The following PBX3 variants were observed in gnomAD, a reference collection of about 807,000 sequenced individuals.
PBX3 encodes pre-B-cell leukemia transcription factor 3.
Under a neutral mutation model 48.5 loss-of-function variants are expected in PBX3, and 14 were observed. That is an observed-to-expected ratio of 0.29 (90% CI 0.19 to 0.45). The LOEUF is 0.45. Among genes scored for constraint, PBX3 ranks in the 20% least tolerant of loss-of-function variants. The pLI is 1.00. For missense variants in PBX3, 386 were observed against 546.7 expected, an observed-to-expected ratio of 0.71 and a Z score of 2.93; for synonymous variants, 210 against 200.3, an observed-to-expected ratio of 1.05 and a Z score of -0.41.
At chr9:125,903,875 G>A (rs931277282) in intron 2 of PBX3, among the ~76,000 whole-genome samples, 1 of 151,858 alleles carries the variant, frequency 6.6e-6, no homozygotes, top group Non-Finnish European at 1.5e-5. Context: ...CCTGCATCCA[G>A]TTCTAGCTTT....
intron 2 of PBX3, among the ~76,000 whole-genome samples, chr9:125,760,640 G>A (rs1309079885): frequency 6.6e-6 from 1 of 151,970 alleles, no homozygotes; most frequent in African/African-American, 2.4e-5. Flanking sequence ...CAATAATTTG[G>A]TAAACATAAA....
At chr9:125,778,851 A>G (rs35055884) in intron 2 of PBX3, among the ~76,000 whole-genome samples, 36,797 of 132,642 alleles carry the variant, frequency 0.28, 6,122 homozygotes, top group Middle Eastern at 0.41. Flanking sequence ...AGATTTACCA[A>G]CTTTGCTCAC....
At chr9:125,857,508 A>C (rs1038577302) in intron 2 of PBX3, among the ~76,000 whole-genome samples, 2 of 152,090 alleles carry the variant, frequency 1.3e-5, no homozygotes, top group South Asian at 2.1e-4. Flanking sequence ...TTTACATATA[A>C]TCCCTCTCTC....
chr9:125,911,762 G>GA (rs533677212), intron 2 of PBX3, among the ~76,000 whole-genome samples: 166 of 151,202 alleles, frequency 1.1e-3, no homozygotes, highest in Admixed American at 1.8e-3. Context: ...CTCATTAGGA[G>GA]AAAAAAAAAT....
chr9:125,773,615 A>G (rs973507964), intron 2 of PBX3, among the ~76,000 whole-genome samples: 1 of 152,198 alleles, frequency 6.6e-6, no homozygotes, highest in East Asian at 1.9e-4. Context: ...TGAATGTAGT[A>G]TGTGAGGAAG....
At position 125,952,694 on chromosome 9, in the gene PBX3, C is replaced by G. The variant is rs147805761; in HGVS notation, c.844-7990C>G. ...AATGGGATTGGTCACTCGTATAGCT[C>G]TGGGTCCCAGCACAAGGCCTGGCAC... On this transcript the variant is annotated intron_variant, in intron 5 of 8. Coordinates refer to ENST00000373489, the MANE Select transcript of PBX3 (RefSeq NM_006195.6). 3.5e-3 allele frequency among the ~76,000 whole-genome samples: 536 copies of G among 152,332 alleles called. 3 individuals are homozygous for G. Among genetic ancestry groups the G allele is most frequent in the African/African-American group, 0.012 (503 of 41,570 alleles).
In PBX3 at chr9:125,791,301, GTCTATCTATCTA is replaced by G. The variant is rs61202902; in HGVS notation, c.274+42714_274+42725del. ...TTTTTATCTGTCTGTCTGTCTGTCT[GTCTATCTATCTA>G]TCTATCTATCTATCTATCTATCTAT... On this transcript the variant is annotated intron_variant, in intron 2 of 8. Transcript: ENST00000373489. Among the ~76,000 whole-genome samples, 50 of 109,016 alleles carry G rather than the reference GTCTATCTATCTA, an allele frequency of 4.6e-4. 1 individual carries two copies. Among genetic ancestry groups the G allele is most frequent in the African/African-American group, 1.1e-3 (36 of 33,566 alleles). 71.5% of individuals were successfully genotyped at this position (109,016 alleles called of 152,430 possible).
chr9:125,813,361 G>A (rs1838353433), intron 2 of PBX3, among the ~76,000 whole-genome samples: 1 of 152,086 alleles, frequency 6.6e-6, no homozygotes, highest in Admixed American at 6.6e-5. Context: ...ATCAGTAGGT[G>A]ATAGGAATTT....
rs554263997 is a variant in PBX3 at position 125,750,720 on chromosome 9, T to C, written c.274+2097T>C. On this transcript the variant is annotated intron_variant, in intron 2 of 8. Coordinates refer to ENST00000373489, the MANE Select transcript of PBX3 (RefSeq NM_006195.6). The stretch of plus-strand genomic sequence containing the variant: ...AGTGGATCCACATTTGCACGTTATC[T>C]CTTTTGTAAAAAGCCAACAGCCGAC... 4.6e-5 allele frequency among the ~76,000 whole-genome samples: 7 copies of C among 152,332 alleles called. No individual in the cohort carries two copies. In the South Asian group the frequency reaches 8.3e-4, roughly 18 times the overall value.
intron 2 of PBX3, among the ~76,000 whole-genome samples, chr9:125,902,220 A>ATTT (rs1321305430): frequency 2.8e-4 from 42 of 151,648 alleles, no homozygotes; most frequent in Non-Finnish European, 8.9e-5. Flanking sequence ...CTGCACCTGG[A>ATTT]TTGCATGCAT....
intron 2 of PBX3, among the ~76,000 whole-genome samples, chr9:125,763,052 A>T (rs1836710409): frequency 6.6e-6 from 1 of 152,208 alleles, no homozygotes; most frequent in Admixed American, 6.5e-5. Context: ...TTATATTGGA[A>T]GTATCTGGTT....
intron 2 of PBX3, among the ~76,000 whole-genome samples, chr9:125,863,353 G>GCCA (rs1248289375): frequency 3.3e-5 from 5 of 152,026 alleles, no homozygotes; most frequent in Non-Finnish European, 5.9e-5. Flanking sequence ...ACAGGTGCTT[G>GCCA]CCACCACACT....
Position 125,861,074 on chromosome 9 carries a change from C to T in PBX3, c.275-54612C>T, listed in dbSNP as rs189642297. Among the ~76,000 whole-genome samples the T allele has an allele frequency of 2.9e-3, 438 of 151,746 alleles. 3 individuals carry two copies. Among genetic ancestry groups the T allele is most frequent in the Non-Finnish European group, 3.9e-3 (266 of 67,908 alleles). On this transcript the variant is annotated intron_variant, in intron 2 of 8. Coordinates refer to ENST00000373489, the MANE Select transcript of PBX3 (RefSeq NM_006195.6). The stretch of plus-strand genomic sequence containing the variant: ...GCAGAGGCAGGAGGATCACTTGAAC[C>T]CAGAAGTCTGAGCCCAGCCTGGGCA...
intron 2 of PBX3, among the ~76,000 whole-genome samples, chr9:125,868,387 T>C (rs1240556759): frequency 6.6e-6 from 1 of 152,236 alleles, no homozygotes; most frequent in East Asian, 1.9e-4. Context: ...GTAGATTGAA[T>C]GTGCAGAAAA....
chr9:125,861,900 G>A (rs1333288539), intron 2 of PBX3, among the ~76,000 whole-genome samples: 1 of 152,128 alleles, frequency 6.6e-6, no homozygotes, highest in Non-Finnish European at 1.5e-5. Context: ...TGTGATTGTT[G>A]CACAACTCTG....
intron 2 of PBX3, among the ~76,000 whole-genome samples, chr9:125,903,141 T>C (rs1192641178): frequency 6.6e-6 from 1 of 151,792 alleles, no homozygotes; most frequent in Non-Finnish European, 1.5e-5. Flanking sequence ...TTTTTTTGTT[T>C]ACCAGCTTGA....
In PBX3 at chr9:125,937,332, A is replaced by G. The variant is rs535595907; in HGVS notation, c.843+1725A>G. Among the ~76,000 whole-genome samples the G allele has an allele frequency of 2.6e-5, 4 of 152,324 alleles. No homozygotes were observed. In the South Asian group the frequency reaches 8.3e-4, roughly 32 times the overall value. On this transcript the variant is annotated intron_variant, in intron 5 of 8. Coordinates refer to ENST00000373489, the MANE Select transcript of PBX3 (RefSeq NM_006195.6). Reference sequence around the variant, plus strand: ...GGAGTTTTAACTTCTAAAATAGGCTAGGAACCCACTTACCAGTGTGTTTTT... The same window carrying G: ...GGAGTTTTAACTTCTAAAATAGGCTGGGAACCCACTTACCAGTGTGTTTTT...
chr9:125,896,888 ATAAT>A (rs1490324884), intron 2 of PBX3, among the ~76,000 whole-genome samples: 4 of 152,012 alleles, frequency 2.6e-5, no homozygotes, highest in African/African-American at 9.7e-5. Context: ...ATCCCCAGCT[ATAAT>A]TAAATTGGCA....
intron 2 of PBX3, among the ~76,000 whole-genome samples, chr9:125,850,940 C>T (rs112113669): frequency 0.036 from 5,399 of 152,054 alleles, 333 homozygotes; most frequent in African/African-American, 0.12. Flanking sequence ...GAAGGTTAAG[C>T]TGGTCTTGTG....
Sources: allele counts gnomAD v4.1 joint callset (sites outside exome capture counted in the v4.1 genomes callset), GRCh38; gene constraint gnomAD v4.1.1; transcripts MANE v1.5; gene names NCBI Gene and HGNC (gene_info 2026-07-23, HGNC 2026-07-21).